The following PEX5 variants were observed in gnomAD, a reference collection of about 807,000 sequenced individuals.
PEX5 encodes PTS1 receptor.
In PEX5, 52 loss-of-function variants were observed where a neutral mutation model predicts 82.9. The observed-to-expected ratio is 0.63, with a 90% CI of 0.50 to 0.79. PEX5 has a LOEUF of 0.79. PEX5 is among the 30% of genes least tolerant of loss of function. The pLI is 0.00. For missense variants in PEX5, 719 were observed against 815.2 expected, an observed-to-expected ratio of 0.88 and a Z score of 1.44; for synonymous variants, 300 against 318.8, an observed-to-expected ratio of 0.94 and a Z score of 0.63.
At chr12:7,206,257 CAA>C (rs986163825) in intron 10 of PEX5, among the ~76,000 whole-genome samples, 4 of 152,162 alleles carry the variant, frequency 2.6e-5, no homozygotes, top group African/African-American at 9.7e-5. Flanking sequence ...TGGAGAAAAT[CAA>C]AAGAGTAATA....
intron 6 of PEX5, 54 bp from the exon 7 acceptor site, chr12:7,201,697 C>A: frequency 8.1e-7 from 1 of 1,231,168 alleles, no homozygotes; most frequent in Non-Finnish European, 1.2e-6. Flanking sequence ...TGGGGAGTAG[C>A]ATGGGGAGGG....
At chr12:7,212,353 C>T (rs1945633220), downstream of PEX5, among the ~76,000 whole-genome samples, 1 of 151,128 alleles carries the variant, frequency 6.6e-6, no homozygotes, top group African/African-American at 2.4e-5. Flanking sequence ...TCTTGAACTC[C>T]TGGCCTCAAG....
At chr12:7,198,041 CCTT>C (rs2136057981) in intron 5 of PEX5, among the ~76,000 whole-genome samples, 1 of 151,994 alleles carries the variant, frequency 6.6e-6, no homozygotes, top group East Asian at 1.9e-4. Flanking sequence ...CAGTCAGTCT[CCTT>C]GTTTTTTTTT....
chr12:7,197,122 A>ATATATGTCATATAATGTAATT lies in PEX5; in HGVS notation c.449-1889_449-1888insTATATGTCATATAATGTAATT, dbSNP rs1555175792. On this transcript the variant is annotated intron_variant, in intron 5 of 15. Transcript: ENST00000675855. ...AATTATATATGTCATATAATGTAAT[A>ATATATGTCATATAATGTAATT]ATATATGTCATATATAATGTAATAA... 5.9e-4 allele frequency among the ~76,000 whole-genome samples: 4 copies of ATATATGTCATATAATGTAATT among 6,762 alleles called. 2 individuals are homozygous for ATATATGTCATATAATGTAATT. Among genetic ancestry groups the ATATATGTCATATAATGTAATT allele is most frequent in the African/African-American group, 4.6e-4 (2 of 4,372 alleles). The allele number at this position is 6,762 out of a possible 152,430, so 4.4% of individuals were successfully genotyped here.
chr12:7,191,541 T>C, intron 4 of PEX5, 28 bp from the exon 5 acceptor site: 1 of 1,613,426 alleles, frequency 6.2e-7, no homozygotes. Context: ...ATGTATTCTT[T>C]CTTAGTTTTC....
At chr12:7,209,879 T>TC (rs1374087470) in intron 15 of PEX5, 39 bp downstream of exon 15, 6 of 1,613,158 alleles carry the variant, frequency 3.7e-6, no homozygotes, top group Non-Finnish European at 5.1e-6. Context: ...ATGAGCTTTT[T>TC]CTCCCTGCCT....
At position 7,204,535 on chromosome 12, in the gene PEX5, G is replaced by GA. The variant is rs905832108; in HGVS notation, c.966+988dup. 5.7e-4 allele frequency among the ~76,000 whole-genome samples: 87 copies of GA among 152,326 alleles called. 1 individual carries two copies. The Middle Eastern group carries it at 0.02, about 36-fold the overall frequency. ...TCTAACTATCCTGTGTGATATAAGG[G>GA]AAAAGACAGCTGGGACCTTGCCATG... is the stretch of plus-strand genomic sequence containing the variant. On this transcript the variant is annotated intron_variant, in intron 10 of 15. Transcript: ENST00000675855.
chr12:7,199,821 GCCGGGCGGGGGGC>G (rs1943437857), intron 6 of PEX5, among the ~76,000 whole-genome samples: 1 of 140,196 alleles, frequency 7.1e-6, no homozygotes, highest in Non-Finnish European at 1.6e-5. Context: ...GGGGCGGCTG[GCCGGGCGGGGGGC>G]TGACCCCCAC....
chr12:7,215,824 C>T (rs1018819935), downstream of PEX5, among the ~76,000 whole-genome samples: 1 of 152,098 alleles, frequency 6.6e-6, no homozygotes, highest in African/African-American at 2.4e-5. Context: ...TACACCAAAC[C>T]TCAGCGACAT....
chr12:7,201,962 C>A (rs1944118685), intron 7 of PEX5, 121 bp downstream of exon 7: 1 of 795,944 alleles, frequency 1.3e-6, no homozygotes, highest in East Asian at 2.6e-5. Flanking sequence ...CTCTTCGTTC[C>A]TGTCTATAGA....
Position 7,209,841 on chromosome 12 carries a change from G to A in PEX5, c.1718+1G>A, listed in dbSNP as rs1405821884. The A allele has an allele frequency of 1.2e-6, 2 of 1,614,204 alleles. No homozygotes were observed. The highest frequency in any genetic ancestry group is 1.1e-5 in the South Asian group (1 of 91,084). On this transcript the variant is annotated splice_donor_variant, in intron 15 of 15. Coordinates refer to ENST00000675855, the MANE Select transcript of PEX5 (RefSeq NM_001351132.2). LOFTEE classifies it high-confidence loss of function. ...GCTGCATCAACCTCGGGGCTCACCG[G>A]TGAGAGTATCTATTGAGAAATGAAT...
chr12:7,199,194 C>T (rs1203296086), intron 6 of PEX5, 81 bp downstream of exon 6: 3 of 679,466 alleles, frequency 4.4e-6, no homozygotes, highest in Admixed American at 4.7e-5. Context: ...CGTTCTCGAA[C>T]CAACTTACTT....
intron 10 of PEX5, among the ~76,000 whole-genome samples, chr12:7,206,088 C>T (rs10161542): frequency 0.28 from 42,372 of 152,024 alleles, 6,244 homozygotes; most frequent in South Asian, 0.37. Flanking sequence ...GCTTAAAACA[C>T]GTATTAATGA....
Position 7,209,101 on chromosome 12 carries a change from T to C in PEX5, c.1491T>C (p.Leu497=), listed in dbSNP as rs746364719. 2.5e-6 allele frequency: 4 copies of C among 1,614,158 alleles called. No individual in the cohort carries two copies. In the Admixed American group the frequency reaches 5.0e-5, roughly 20 times the overall value. ...DPDVQCGLGV[L]FNLSGEYDKA... is the part of the protein sequence containing the mutation. ...ATGTGCAGTGTGGCTTGGGAGTCCTTTTCAACCTGAGTGGGGAGTATGACA... is the reference window on the plus strand; with the variant it reads ...ATGTGCAGTGTGGCTTGGGAGTCCTCTTCAACCTGAGTGGGGAGTATGACA... The change falls in exon 14 of 16, where the codon CTT becomes CTC. Residue 497 remains leucine (L), a synonymous_variant. Transcript: ENST00000675855.
chr12:7,216,577 T>TC (rs2136296860), intron 17 of PEX5, among the ~76,000 whole-genome samples: 1 of 152,158 alleles, frequency 6.6e-6, no homozygotes, highest in South Asian at 2.1e-4. Flanking sequence ...ACTTCTATTT[T>TC]TTGTTTTTAA....
intron 12 of PEX5, 136 bp from the exon 13 acceptor site, chr12:7,208,321 T>A (rs1415265864): frequency 2.6e-6 from 2 of 759,604 alleles, no homozygotes; most frequent in Admixed American, 4.0e-5. Context: ...AACTTTATTA[T>A]TAACTCATGT....
chr12:7,209,952 A>C (rs1428316203), intron 15 of PEX5, 70 bp from the exon 16 acceptor site: 2 of 1,596,016 alleles, frequency 1.3e-6, no homozygotes, highest in Non-Finnish European at 1.7e-6. Flanking sequence ...TCTCCCTCCC[A>C]CTGCTAGCTG....
At position 7,208,524 on chromosome 12, in the gene PEX5, T is replaced by C. The variant is rs1266386636; in HGVS notation, c.1249T>C (p.Ser417Pro). 6.2e-7 allele frequency: 1 copy of C among 1,613,802 alleles called. No homozygotes were observed. The highest frequency in any genetic ancestry group is 8.5e-7 in the Non-Finnish European group (1 of 1,179,932). The part of the protein sequence containing the change: ...MALAVSFTNE[S>P]LQRQACETLR... The stretch of plus-strand genomic sequence containing the variant: ...GCTGGCTGTGAGCTTCACCAACGAG[T>C]CCCTGCAGCGACAGGCCTGTGAAAC... The change falls in exon 13 of 16, where the codon TCC (serine) becomes CCC (proline). Residue 417 changes from serine (S) to proline (P), a missense_variant. Coordinates refer to ENST00000675855, the MANE Select transcript of PEX5 (RefSeq NM_001351132.2).
At chr12:7,190,089 G>A in intron 1 of PEX5, 1 of 1,492,758 alleles carries the variant, frequency 6.7e-7, no homozygotes, top group Non-Finnish European at 8.8e-7. Flanking sequence ...CTTTGTGGAG[G>A]CAGCTGCTGG....
Sources: gnomAD v4.1 joint callset for allele counts (sites outside exome capture counted in the v4.1 genomes callset) on GRCh38, gnomAD v4.1.1 for gene constraint, MANE v1.5 for transcripts, NCBI Gene and HGNC (gene_info 2026-07-23, HGNC 2026-07-21) for gene names.